Variants in TUBA4B observed in about 807,000 individuals in gnomAD.
TUBA4B encodes the protein tubulin alpha 4b, also known as tubulin-like protein alpha-4B.
TUBA4B carries 13 observed loss-of-function variants against 18.4 expected under a neutral mutation model. The ratio of observed to expected loss-of-function variants is 0.71; its 90% CI spans 0.46 to 1.12. The LOEUF (loss-of-function observed/expected upper bound fraction) is 1.12. Among genes scored for constraint, TUBA4B ranks in the 50% most tolerant of loss-of-function variants. The pLI, the probability that TUBA4B is intolerant of heterozygous loss-of-function variation, is 0.00. For synonymous variants in TUBA4B, 101 were observed against 99.1 expected, an observed-to-expected ratio of 1.02 and a Z score of -0.11; for missense variants, 244 against 250.0, an observed-to-expected ratio of 0.98 and a Z score of 0.16.
At chr2:219,260,972 AAAAT>A (rs371755421) in intron 1 of TUBA4B, among the ~76,000 whole-genome samples, 6 of 152,102 alleles carry the variant, frequency 3.9e-5, no homozygotes, top group South Asian at 2.1e-4. Context: ...TTCATCTAAA[AAAAT>A]AAATAAATAA....
At chr2:219,254,822 A>G (rs1192836600) in intron 1 of TUBA4B, among the ~76,000 whole-genome samples, 1 of 152,242 alleles carries the variant, frequency 6.6e-6, no homozygotes, top group African/African-American at 2.4e-5. Flanking sequence ...GTTGTAAGCT[A>G]TCAAAATGTC....
At chr2:219,265,034 T>A (rs73079125) in intron 1 of TUBA4B, among the ~76,000 whole-genome samples, 1 of 151,886 alleles carries the variant, frequency 6.6e-6, no homozygotes, top group Non-Finnish European at 1.5e-5. Flanking sequence ...TTGAAGCTAG[T>A]GGGAGGCAAG....
chr2:219,271,791 C>G lies in TUBA4B; in HGVS notation c.*92C>G. On this transcript the variant is annotated 3_prime_UTR_variant, in exon 4 of 4. Coordinates refer to ENST00000490341, the MANE Select transcript of TUBA4B (RefSeq NM_001355221.1). Reference sequence around the variant, plus strand: ...AGGATGTCAACGCTGCCATTGCTGCCATCAAGACCAAGTGCAGCATTCAGT... The same window carrying G: ...AGGATGTCAACGCTGCCATTGCTGCGATCAAGACCAAGTGCAGCATTCAGT... 1 of 1,606,344 alleles carries G rather than the reference C, an allele frequency of 6.2e-7. No individual in the cohort carries two copies. The highest frequency in any genetic ancestry group is 8.5e-7 in the Non-Finnish European group (1 of 1,172,864).
intron 3 of TUBA4B, among the ~76,000 whole-genome samples, 158 bp from the exon 4 acceptor site, chr2:219,271,008 G>A (rs1951821373): frequency 6.6e-6 from 1 of 152,132 alleles, no homozygotes; most frequent in South Asian, 2.1e-4. Context: ...GAAAGGGTGG[G>A]CCCTGGACCC....
At chr2:219,259,506 T>C (rs1365781986) in intron 1 of TUBA4B, among the ~76,000 whole-genome samples, 1 of 152,076 alleles carries the variant, frequency 6.6e-6, no homozygotes, top group Non-Finnish European at 1.5e-5. Flanking sequence ...GATCAAAAAC[T>C]TTTAGACATT....
chr2:219,264,898 C>T lies in TUBA4B; in HGVS notation c.13-1623C>T, dbSNP rs971422746. On this transcript the variant is annotated intron_variant, in intron 1 of 3. Transcript: ENST00000490341. ...GGCCCATTTGAGGCTAGTGGCCATG[C>T]GTTCGAAACATCAGTCAGCATGGTT... Among the ~76,000 whole-genome samples the T allele has an allele frequency of 3.3e-5, 5 of 152,308 alleles. No individual in the cohort carries two copies. In the South Asian group the frequency reaches 8.3e-4, roughly 25 times the overall value.
At chr2:219,257,340 C>CTTT (rs768367065) in intron 1 of TUBA4B, among the ~76,000 whole-genome samples, 4,356 of 92,532 alleles carry the variant, frequency 0.047, 218 homozygotes, top group Non-Finnish European at 0.068. Flanking sequence ...TGCGCCCAGC[C>CTTT]TTTTTTTTTT....
chr2:219,263,593 A>G (rs895499645), intron 1 of TUBA4B, among the ~76,000 whole-genome samples: 1 of 152,216 alleles, frequency 6.6e-6, no homozygotes, highest in African/African-American at 2.4e-5. Flanking sequence ...GCTACACAAG[A>G]GAGTTTTGAG....
chr2:219,267,970 T>C (rs1318874359), intron 2 of TUBA4B, among the ~76,000 whole-genome samples: 2 of 152,114 alleles, frequency 1.3e-5, no homozygotes, highest in Non-Finnish European at 2.9e-5. Flanking sequence ...GCCAGGACGA[T>C]GTCTGGGTCT....
In TUBA4B at chr2:219,271,387, C is replaced by T; in HGVS notation, c.414C>T (p.Asp138=). 1 of 1,614,236 alleles carries T rather than the reference C, an allele frequency of 6.2e-7. No individual in the cohort carries two copies. Among genetic ancestry groups the T allele is most frequent in the South Asian group, 1.1e-5 (1 of 91,086 alleles). ...LTTHTTLEHS[D]CAFMVDNKAI... is the part of the protein sequence containing the mutation. ...CCCACACCACCCTGGAGCACTCAGA[C>T]TGTGCCTTCATGGTGGACAACAAAG... is the stretch of plus-strand genomic sequence containing the variant. Residue 138 remains aspartate, a synonymous_variant, in exon 4 of 4, where the codon GAC becomes GAT. Transcript: ENST00000490341.
Position 219,272,127 on chromosome 2 carries a change from A to C in TUBA4B, c.*428A>C. ...TAGTGTGGAGTGGGGGGAAGAAAAG[A>C]TAGGGGGGATGAATACTAGGGGAAT... On this transcript the variant is annotated 3_prime_UTR_variant, in exon 4 of 4. Transcript: ENST00000490341. The C allele has an allele frequency of 1.4e-6, 1 of 703,280 alleles. No homozygotes were observed. The highest frequency in any genetic ancestry group is 4.6e-5 in the East Asian group (1 of 21,880). The allele number at this position is 703,280 out of a possible 1,614,324, so 43.6% of individuals were successfully genotyped here.
At chr2:219,263,093 C>T (rs1019636140) in intron 1 of TUBA4B, among the ~76,000 whole-genome samples, 22 of 152,130 alleles carry the variant, frequency 1.4e-4, no homozygotes, top group African/African-American at 3.4e-4. Flanking sequence ...ATCCCTGGCA[C>T]CTGAAATGGT....
chr2:219,272,135 G>T lies in TUBA4B; in HGVS notation c.*436G>T. 3.0e-6 allele frequency: 2 copies of T among 661,092 alleles called. No homozygotes were observed. Among genetic ancestry groups the T allele is most frequent in the Non-Finnish European group, 2.7e-6 (1 of 376,294 alleles). The allele number at this position is 661,092 out of a possible 1,614,324, so 41.0% of individuals were successfully genotyped here. A position where few individuals can be genotyped will look rare whatever the true frequency, so the allele number is the denominator to read the frequency against. The stretch of plus-strand genomic sequence containing the variant: ...AGTGGGGGGAAGAAAAGATAGGGGG[G>T]ATGAATACTAGGGGAATACTGTGTG... On this transcript the variant is annotated 3_prime_UTR_variant, in exon 4 of 4. Transcript: ENST00000490341.
intron 1 of TUBA4B, among the ~76,000 whole-genome samples, chr2:219,264,337 G>A (rs1051735701): frequency 2.0e-5 from 3 of 151,992 alleles, no homozygotes; most frequent in African/African-American, 7.3e-5. Flanking sequence ...GCATGTGCCT[G>A]TAATCCAAGC....
intron 1 of TUBA4B, among the ~76,000 whole-genome samples, chr2:219,258,920 C>T (rs927449301): frequency 6.6e-5 from 10 of 151,950 alleles, no homozygotes; most frequent in African/African-American, 2.4e-4. Context: ...GCCACTGTAG[C>T]TAAGAGTTTA....
chr2:219,267,495 G>C (rs952578541), intron 2 of TUBA4B, among the ~76,000 whole-genome samples: 1 of 152,152 alleles, frequency 6.6e-6, no homozygotes, highest in African/African-American at 2.4e-5. Context: ...TAGGGAAGCT[G>C]AGGTGAAATG....
intron 1 of TUBA4B, chr2:219,253,833 G>T (rs766446128): frequency 8.6e-6 from 13 of 1,516,552 alleles, no homozygotes; most frequent in Non-Finnish European, 1.1e-5. Context: ...GGACAGGCGC[G>T]ACCCCGGCCG....
intron 1 of TUBA4B, among the ~76,000 whole-genome samples, chr2:219,258,562 T>C (rs554930081): frequency 2.1e-4 from 32 of 151,858 alleles, no homozygotes; most frequent in African/African-American, 7.5e-4. Context: ...ACTCGTGAGC[T>C]CAAGTGATCT....
chr2:219,262,951 G>C (rs1415616245), intron 1 of TUBA4B, among the ~76,000 whole-genome samples: 1 of 152,116 alleles, frequency 6.6e-6, no homozygotes, highest in African/African-American at 2.4e-5. Context: ...TGAGACAGGA[G>C]AATTGCTTGA....
Sources: allele counts gnomAD v4.1 joint callset (sites outside exome capture counted in the v4.1 genomes callset), GRCh38; gene constraint gnomAD v4.1.1; transcripts MANE v1.5; gene names NCBI Gene and HGNC (gene_info 2026-07-23, HGNC 2026-07-21).